Variants in IQGAP1 observed in about 807,000 individuals in gnomAD.
The protein encoded by IQGAP1 is IQ motif containing GTPase activating protein 1.
Under a neutral mutation model 215.6 loss-of-function variants are expected in IQGAP1, and 66 were observed. The observed-to-expected ratio is 0.31, with a 90% CI of 0.25 to 0.38. The LOEUF (loss-of-function observed/expected upper bound fraction) is 0.38. Ranked by LOEUF, IQGAP1 falls within the 10% of genes least tolerant of loss-of-function variation. The probability of loss-of-function intolerance (pLI) is 1.00; values close to 1 mark genes in which losing one functional copy is unlikely to be tolerated. For missense variants in IQGAP1, 1,712 were observed against 1,997.1 expected (o/e 0.86, Z 2.72); for synonymous variants, 772 against 728.7 (o/e 1.06, Z -0.96).
chr15:90,480,392 C>T (rs1477402830), intron 26 of IQGAP1, among the ~76,000 whole-genome samples: 2 of 152,128 alleles, frequency 1.3e-5, no homozygotes, highest in Admixed American at 1.3e-4. Context: ...ATCTTGTCAC[C>T]TCTTGGGAAT....
chr15:90,474,821 T>C, intron 23 of IQGAP1, 128 bp downstream of exon 23: 1 of 665,060 alleles, frequency 1.5e-6, no homozygotes, highest in Non-Finnish European at 2.6e-6. Context: ...AAGAGCTTTT[T>C]TTTTTTCTTT....
chr15:90,411,087 T>G (rs1173687585), intron 2 of IQGAP1, among the ~76,000 whole-genome samples: 1 of 152,156 alleles, frequency 6.6e-6, no homozygotes, highest in Non-Finnish European at 1.5e-5. Flanking sequence ...TATTGACCTG[T>G]GTAAAAAATA....
intron 34 of IQGAP1, 97 bp downstream of exon 34, chr15:90,491,642 T>C (rs1596294499): frequency 1.0e-6 from 1 of 967,034 alleles, no homozygotes. Context: ...CTTCAGTTCA[T>C]GGGCAAATTA....
chr15:90,458,821 C>A (rs1330140472), intron 15 of IQGAP1, among the ~76,000 whole-genome samples: 1 of 152,176 alleles, frequency 6.6e-6, no homozygotes, highest in Non-Finnish European at 1.5e-5. Flanking sequence ...AAGTGACATT[C>A]TGCATAATTA....
rs566864529 is a variant in IQGAP1 at position 90,431,892 on chromosome 15, CTT to C, written c.391-1825_391-1824del. 2.3e-4 allele frequency among the ~76,000 whole-genome samples: 35 copies of C among 152,202 alleles called. 1 individual carries two copies. In the South Asian group the frequency reaches 7.3e-3, roughly 32 times the overall value. ...TTTTTGGTTCTTATCCTTTTTGACT[CTT>C]TATTATAATTGGTACTGTTGGCTGC... On this transcript the variant is annotated intron_variant, in intron 4 of 37. Transcript: ENST00000268182.
At chr15:90,499,266 T>C (rs1404478571) in intron 37 of IQGAP1, among the ~76,000 whole-genome samples, 2 of 152,228 alleles carry the variant, frequency 1.3e-5, no homozygotes, top group Non-Finnish European at 2.9e-5. Context: ...GATCTGGATT[T>C]ATCGCCTCCA....
At chr15:90,444,932 G>GGTT (rs2151020816) in intron 9 of IQGAP1, among the ~76,000 whole-genome samples, 2 of 152,244 alleles carry the variant, frequency 1.3e-5, no homozygotes, top group East Asian at 3.9e-4. Context: ...AGACCAGCCT[G>GGTT]GGCAATGTGG....
intron 31 of IQGAP1, 58 bp from the exon 32 acceptor site, chr15:90,486,896 C>T (rs1289025095): frequency 6.6e-7 from 1 of 1,514,146 alleles, no homozygotes; most frequent in East Asian, 2.3e-5. Flanking sequence ...TGTATTATTT[C>T]CCCCCAATAT....
At chr15:90,481,808 G>T in intron 26 of IQGAP1, 152 bp from the exon 27 acceptor site, 1 of 779,354 alleles carries the variant, frequency 1.3e-6, no homozygotes, top group African/African-American at 1.7e-5. Context: ...CCTGCGTTCA[G>T]ATTCTAGACT....
intron 2 of IQGAP1, among the ~76,000 whole-genome samples, chr15:90,405,301 G>A (rs971438984): frequency 3.9e-5 from 6 of 152,112 alleles, no homozygotes; most frequent in African/African-American, 1.4e-4. Flanking sequence ...TCATTTTAGG[G>A]AATTTGGTTA....
intron 3 of IQGAP1, among the ~76,000 whole-genome samples, chr15:90,427,480 C>G (rs1965239624): frequency 6.6e-6 from 1 of 152,124 alleles, no homozygotes; most frequent in Admixed American, 6.5e-5. Flanking sequence ...TAGTTCATGC[C>G]TGTAATCCCA....
chr15:90,499,428 C>G (rs2151042374), intron 37 of IQGAP1, among the ~76,000 whole-genome samples: 1 of 152,308 alleles, frequency 6.6e-6, no homozygotes, highest in South Asian at 2.1e-4. Context: ...TGGCAGACAC[C>G]TAATAAAACA....
chr15:90,480,121 G>T (rs1242371904), intron 26 of IQGAP1, among the ~76,000 whole-genome samples: 3 of 151,794 alleles, frequency 2.0e-5, no homozygotes, highest in African/African-American at 7.3e-5. Context: ...AGGCATGGTG[G>T]CATGCACCAG....
At chr15:90,450,704 G>A (rs1965591194) in intron 11 of IQGAP1, among the ~76,000 whole-genome samples, 1 of 151,352 alleles carries the variant, frequency 6.6e-6, no homozygotes, top group African/African-American at 2.4e-5. Flanking sequence ...GATTAATGAT[G>A]TTGAGCATTT....
At position 90,484,465 on chromosome 15, in the gene IQGAP1, T is replaced by C. The variant is rs115419457; in HGVS notation, c.3921+113T>C. The C allele has an allele frequency of 2.5e-3, 1,812 of 722,346 alleles. 16 individuals carry two copies. The highest frequency in any genetic ancestry group is 0.024 in the African/African-American group (1,316 of 55,102). 44.7% of individuals were successfully genotyped at this position (722,346 alleles called of 1,614,324 possible). On this transcript the variant is annotated intron_variant, in intron 30 of 37. Coordinates refer to ENST00000268182, the MANE Select transcript of IQGAP1 (RefSeq NM_003870.4). ...AACCTTCCTGTAATCTAACTGACAA[T>C]GCATCTCCTTGATGTCTCTTTTTTT...
intron 7 of IQGAP1, among the ~76,000 whole-genome samples, chr15:90,440,980 A>C (rs1965440892): frequency 6.6e-6 from 1 of 151,950 alleles, no homozygotes; most frequent in South Asian, 2.1e-4. Context: ...GGTGGTGTGC[A>C]CCTGTAATCC....
At chr15:90,472,729 T>A (rs1304635641) in intron 18 of IQGAP1, 111 bp from the exon 19 acceptor site, 1 of 1,013,874 alleles carries the variant, frequency 9.9e-7, no homozygotes, top group East Asian at 2.4e-5. Context: ...TGATCTAGTA[T>A]AGACTTAGGA....
At chr15:90,472,576 T>C (rs1965921123) in intron 18 of IQGAP1, among the ~76,000 whole-genome samples, 1 of 151,930 alleles carries the variant, frequency 6.6e-6, no homozygotes, top group Non-Finnish European at 1.5e-5. Flanking sequence ...CAGTGTTGGA[T>C]AGGTAGATAA....
chr15:90,487,143 C>A, intron 32 of IQGAP1, 54 bp downstream of exon 32: 1 of 1,592,682 alleles, frequency 6.3e-7, no homozygotes, highest in South Asian at 1.1e-5. Flanking sequence ...GGTTTCTTGG[C>A]CTTTGGAGAG....
Sources: gnomAD v4.1 joint callset for allele counts (sites outside exome capture counted in the v4.1 genomes callset) on GRCh38, gnomAD v4.1.1 for gene constraint, MANE v1.5 for transcripts, NCBI Gene and HGNC (gene_info 2026-07-23, HGNC 2026-07-21) for gene names.